Variants in ARMC2 observed in about 807,000 individuals in gnomAD.
ARMC2 encodes the protein armadillo repeat-containing protein 2.
In ARMC2, 67 loss-of-function variants were observed where a neutral mutation model predicts 90.3. The observed-to-expected ratio is 0.74, with a 90% CI of 0.61 to 0.91. The LOEUF is 0.91. Among genes scored for constraint, ARMC2 ranks in the 40% least tolerant of loss-of-function variants. ARMC2 has a pLI of 0.00. For synonymous variants in ARMC2, 393 were observed against 393.0 expected, an observed-to-expected ratio of 1.00 and a Z score of 0.00; for missense variants, 920 against 1,030.9, an observed-to-expected ratio of 0.89 and a Z score of 1.47.
At chr6:108,855,326 G>A (rs1218472915) in intron 2 of ARMC2, among the ~76,000 whole-genome samples, 1 of 149,044 alleles carries the variant, frequency 6.7e-6, no homozygotes, top group Non-Finnish European at 1.5e-5. Flanking sequence ...TCAGCTCACT[G>A]CAAGCTCTGC....
Position 108,973,405 on chromosome 6 carries a change from A to G in ARMC2, c.2495A>G (p.Tyr832Cys), listed in dbSNP as rs1583245844. 3.7e-6 allele frequency: 6 copies of G among 1,613,770 alleles called. No homozygotes were observed. In the South Asian group the frequency reaches 6.6e-5, roughly 18 times the overall value. ...DGSFDPDLKN[Y>C]HKLHWETEFK... ...AGTTTTGATCCAGACCTAAAAAACT[A>G]TCACAAACTCCATTGGGAAACAGAA... Residue 832 changes from tyrosine to cysteine, a missense_variant, in exon 18 of 18, where the codon TAT becomes TGT. Coordinates refer to ENST00000392644, the MANE Select transcript of ARMC2 (RefSeq NM_032131.6).
At chr6:108,856,016 C>T (rs1400312052) in intron 2 of ARMC2, among the ~76,000 whole-genome samples, 1 of 152,122 alleles carries the variant, frequency 6.6e-6, no homozygotes, top group Non-Finnish European at 1.5e-5. Context: ...TTCTTCTTCT[C>T]TTGATAGTGT....
the ARMC2 span, among the ~76,000 whole-genome samples, chr6:109,037,908 C>G: frequency 2.0e-5 from 3 of 149,810 alleles, no homozygotes; most frequent in Admixed American, 6.6e-5. Flanking sequence ...GCCTATAATT[C>G]TATAAGCTGA....
At chr6:108,965,215 A>G (rs1778277099) in intron 17 of ARMC2, 75 bp downstream of exon 17, 1 of 1,326,278 alleles carries the variant, frequency 7.5e-7, no homozygotes, top group Non-Finnish European at 1.1e-6. Flanking sequence ...ACCTGTTCGG[A>G]TAAATATTAG....
intron 5 of ARMC2, among the ~76,000 whole-genome samples, chr6:108,883,068 C>T (rs1018289775): frequency 5.9e-5 from 9 of 152,132 alleles, no homozygotes; most frequent in Non-Finnish European, 7.3e-5. Flanking sequence ...GTTGATTGGG[C>T]GGGCAAATGG....
At chr6:108,889,884 T>C (rs1770784712) in intron 5 of ARMC2, among the ~76,000 whole-genome samples, 1 of 151,512 alleles carries the variant, frequency 6.6e-6, no homozygotes, top group Admixed American at 6.6e-5. Context: ...ATTGGACTTT[T>C]CCATTAAAAA....
the ARMC2 span, among the ~76,000 whole-genome samples, chr6:109,025,149 C>A: frequency 6.6e-6 from 1 of 151,942 alleles, no homozygotes; most frequent in Non-Finnish European, 1.5e-5. Flanking sequence ...ACGCTCAAAG[C>A]ATGAACAAGG....
chr6:109,046,884 C>G, the ARMC2 span, among the ~76,000 whole-genome samples: 1 of 124,864 alleles, frequency 8.0e-6, no homozygotes, highest in Non-Finnish European at 1.8e-5. Context: ...CCCCTCCGTC[C>G]GGCAGCTGCC....
At chr6:108,933,616 G>A (rs941668702) in intron 11 of ARMC2, among the ~76,000 whole-genome samples, 4 of 152,146 alleles carry the variant, frequency 2.6e-5, no homozygotes, top group African/African-American at 9.7e-5. Flanking sequence ...TGCAAACAGA[G>A]ATAGTTTGAC....
chr6:108,877,385 A>G (rs1002983080), intron 5 of ARMC2, among the ~76,000 whole-genome samples: 1 of 152,238 alleles, frequency 6.6e-6, no homozygotes, highest in Admixed American at 6.5e-5. Context: ...AGTGTCACAC[A>G]TACGGAATTT....
chr6:108,965,275 A>T (rs1778279857), intron 17 of ARMC2, 135 bp downstream of exon 17: 1 of 776,162 alleles, frequency 1.3e-6, no homozygotes, highest in African/African-American at 1.7e-5. Context: ...TATGTTAAAG[A>T]TTACTATAAT....
chr6:109,032,645 G>A, the ARMC2 span, among the ~76,000 whole-genome samples: 1 of 151,832 alleles, frequency 6.6e-6, no homozygotes, highest in South Asian at 2.1e-4. Flanking sequence ...GAAGAGAAAA[G>A]GTAAGAAGAC....
intron 3 of ARMC2, 54 bp downstream of exon 3, chr6:108,858,325 G>T: frequency 7.1e-7 from 1 of 1,400,342 alleles, no homozygotes; most frequent in South Asian, 1.2e-5. Context: ...AAATGAAATT[G>T]GCCAAAAACA....
At chr6:108,940,465 G>T (rs1326987530) in intron 12 of ARMC2, among the ~76,000 whole-genome samples, 1 of 152,190 alleles carries the variant, frequency 6.6e-6, no homozygotes, top group Admixed American at 6.5e-5. Flanking sequence ...GTTGGACCAG[G>T]TGTGATGTTT....
downstream of ARMC2, among the ~76,000 whole-genome samples, chr6:108,978,015 G>A (rs1260521461): frequency 6.6e-6 from 1 of 151,950 alleles, no homozygotes; most frequent in East Asian, 1.9e-4. Flanking sequence ...CTGCTCTGAT[G>A]TTAGTTATTT....
chr6:108,988,087 C>T, the ARMC2 span, among the ~76,000 whole-genome samples: 1 of 152,144 alleles, frequency 6.6e-6, no homozygotes, highest in Admixed American at 6.5e-5. Context: ...AGCCACCATA[C>T]CTGGCCTAAT....
chr6:108,917,953 T>A (rs938564609), intron 10 of ARMC2, among the ~76,000 whole-genome samples: 1 of 152,164 alleles, frequency 6.6e-6, no homozygotes, highest in African/African-American at 2.4e-5. Context: ...AGTGCTGGGT[T>A]TACAGGCATG....
At chr6:108,910,857 T>C in intron 8 of ARMC2, 42 bp from the exon 9 acceptor site, 1 of 999,584 alleles carries the variant, frequency 1.0e-6, no homozygotes, top group Non-Finnish European at 1.4e-6. Flanking sequence ...ACAGCATGTC[T>C]TTATTTCCTT....
the ARMC2 span, among the ~76,000 whole-genome samples, chr6:109,033,926 A>G: frequency 6.6e-6 from 1 of 152,250 alleles, no homozygotes; most frequent in Non-Finnish European, 1.5e-5. Flanking sequence ...GGCAAGGCTC[A>G]AAGCATCAGC....
Sources: allele counts gnomAD v4.1 joint callset (sites outside exome capture counted in the v4.1 genomes callset), GRCh38; gene constraint gnomAD v4.1.1; transcripts MANE v1.5; gene names NCBI Gene and HGNC (gene_info 2026-07-23, HGNC 2026-07-21).